The following EPAS1 variants were observed in gnomAD, a reference collection of about 807,000 sequenced individuals.
EPAS1 encodes the protein endothelial PAS domain-containing protein 1.
In EPAS1, 23 loss-of-function variants were observed where a neutral mutation model predicts 87.9. The observed-to-expected ratio is 0.26, with a 90% CI of 0.19 to 0.37. The LOEUF is 0.37. EPAS1 is among the 10% of genes least tolerant of loss of function. The pLI, the probability that EPAS1 is intolerant of heterozygous loss-of-function variation, is 1.00. For missense variants in EPAS1, 1,138 were observed against 1,120.7 expected, an observed-to-expected ratio of 1.02 and a Z score of -0.22; for synonymous variants, 508 against 444.3, an observed-to-expected ratio of 1.14 and a Z score of -1.80.
chr2:46,301,382 C>A (rs1045499734), intron 1 of EPAS1, among the ~76,000 whole-genome samples: 71 of 152,072 alleles, frequency 4.7e-4, no homozygotes, highest in African/African-American at 1.7e-3. Flanking sequence ...CAAGACCAGC[C>A]TGGTCAACAT....
chr2:46,340,937 C>T (rs982124736), intron 1 of EPAS1, among the ~76,000 whole-genome samples: 2 of 152,150 alleles, frequency 1.3e-5, no homozygotes, highest in African/African-American at 4.8e-5. Context: ...CCCAGCTGGT[C>T]TCAAACTCCT....
At chr2:46,359,257 CAAAAAAAAA>C (rs57351888) in intron 4 of EPAS1, among the ~76,000 whole-genome samples, 6 of 25,092 alleles carry the variant, frequency 2.4e-4, no homozygotes, top group South Asian at 2.3e-3. Flanking sequence ...GATTCTGTCT[CAAAAAAAAA>C]AAAAAAAAAA....
At chr2:46,384,006 C>T (rs1408363689) in intron 15 of EPAS1, among the ~76,000 whole-genome samples, 5 of 151,824 alleles carry the variant, frequency 3.3e-5, no homozygotes, top group African/African-American at 9.7e-5. Context: ...CTGCGAGTGT[C>T]CCCCCTGCCA....
At chr2:46,307,897 G>A (rs1053994775) in intron 1 of EPAS1, among the ~76,000 whole-genome samples, 3 of 152,126 alleles carry the variant, frequency 2.0e-5, no homozygotes, top group Admixed American at 2.0e-4. Flanking sequence ...TTGTGGATTT[G>A]GGTTTCTCTT....
chr2:46,308,203 A>G (rs906657196), intron 1 of EPAS1, among the ~76,000 whole-genome samples: 1 of 152,108 alleles, frequency 6.6e-6, no homozygotes, highest in Non-Finnish European at 1.5e-5. Context: ...CTATTCAAAT[A>G]GCTCCTACTT....
intron 6 of EPAS1, among the ~76,000 whole-genome samples, chr2:46,364,824 C>G (rs1251067071): frequency 6.6e-6 from 1 of 152,174 alleles, no homozygotes; most frequent in Non-Finnish European, 1.5e-5. Context: ...TACTGAGCAA[C>G]CAGTTACGAA....
chr2:46,361,531 G>T (rs1007089164), intron 6 of EPAS1, among the ~76,000 whole-genome samples: 1 of 152,004 alleles, frequency 6.6e-6, no homozygotes, highest in African/African-American at 2.4e-5. Context: ...CTTTCCCTCC[G>T]CCTTGTTCCT....
At chr2:46,325,446 C>T (rs1250440798) in intron 1 of EPAS1, among the ~76,000 whole-genome samples, 2 of 152,146 alleles carry the variant, frequency 1.3e-5, no homozygotes, top group Non-Finnish European at 2.9e-5. Context: ...GGTAAAAGCC[C>T]TAATAGCCTC....
chr2:46,306,254 A>G (rs992929200), intron 1 of EPAS1, among the ~76,000 whole-genome samples: 4 of 152,180 alleles, frequency 2.6e-5, no homozygotes, highest in Non-Finnish European at 5.9e-5. Context: ...AAAACTTTGC[A>G]TACTGTCACT....
rs1456533107 is a variant in EPAS1 at position 46,371,108 on chromosome 2, G to A, written c.886+1175G>A. The stretch of plus-strand genomic sequence containing the variant: ...TGCTTCAAAACGAGTGCCCACAGTG[G>A]TGCAGACAGTGGTGCTGAGAGGATT... On this transcript the variant is annotated intron_variant, in intron 7 of 15. Transcript: ENST00000263734. The surrounding 1 kb of genome is among the most constrained non-coding windows in gnomAD (Gnocchi z 4.3). Among the ~76,000 whole-genome samples, 5 of 152,178 alleles carry A rather than the reference G, an allele frequency of 3.3e-5. No homozygotes were observed. Among genetic ancestry groups the A allele is most frequent in the African/African-American group, 9.7e-5 (4 of 41,436 alleles).
At position 46,347,228 on chromosome 2, in the gene EPAS1, T is replaced by C; in HGVS notation, c.217+165T>C. ...GATTTATTCCTTCATGTTAAACATC[T>C]CTCTTCCAGCAGTGACCTTTACCGT... On this transcript the variant is annotated intron_variant, in intron 2 of 15. Transcript: ENST00000263734. This position sits in a 1 kb window ranked among gnomAD's most constrained non-coding sequence, Gnocchi z 4.2. 1 of 771,836 alleles carries C rather than the reference T, an allele frequency of 1.3e-6. No individual in the cohort carries two copies. The highest frequency in any genetic ancestry group is 2.2e-6 in the Non-Finnish European group (1 of 459,956). 47.8% of individuals were successfully genotyped at this position (771,836 alleles called of 1,614,324 possible).
At position 46,307,877 on chromosome 2, in the gene EPAS1, G is replaced by C. The variant is rs1683138381; in HGVS notation, c.26+9940G>C. On this transcript the variant is annotated intron_variant, in intron 1 of 15. Coordinates refer to ENST00000263734, the MANE Select transcript of EPAS1 (RefSeq NM_001430.5). ...CACAGAGAATCTTCAGAGTGGGATA[G>C]GGGTTTCTTTTGTGGATTTGGGTTT... Among the ~76,000 whole-genome samples, 4 of 152,272 alleles carry C rather than the reference G, an allele frequency of 2.6e-5. No individual in the cohort carries two copies. The South Asian group carries it at 8.3e-4, about 32-fold the overall frequency.
chr2:46,310,241 G>A (rs996313520), intron 1 of EPAS1, among the ~76,000 whole-genome samples: 2 of 152,124 alleles, frequency 1.3e-5, no homozygotes, highest in African/African-American at 4.8e-5. Context: ...ATTTGATAAG[G>A]TTCTCTTTCT....
chr2:46,299,941 AGGCCGCTGTGTGAGCT>A (rs1379374998), intron 1 of EPAS1, among the ~76,000 whole-genome samples: 1 of 152,234 alleles, frequency 6.6e-6, no homozygotes, highest in African/African-American at 2.4e-5. Context: ...AACGCCTTGG[AGGCCGCTGTGTGAGCT>A]GCGGCTCCGG....
chr2:46,337,125 C>T (rs1683809718), intron 1 of EPAS1, among the ~76,000 whole-genome samples: 1 of 152,182 alleles, frequency 6.6e-6, no homozygotes, highest in Admixed American at 6.5e-5. Flanking sequence ...CCGATGTCTC[C>T]AGTTTGTACC....
rs1197852183 is a variant in EPAS1, at chr2:46,360,607, C to G, written c.455-31C>G. On this transcript the variant is annotated intron_variant, in intron 4 of 15. Transcript: ENST00000263734. The surrounding 1 kb of genome is among the most constrained non-coding windows in gnomAD (Gnocchi z 4.5). ...ATGAATATCCATATAAAACTGACTT[C>G]AGCTGGTTCTTCCCATCCTTCCACA... 6.3e-7 allele frequency: 1 copy of G among 1,592,292 alleles called. No homozygotes were observed. The highest frequency in any genetic ancestry group is 1.3e-5 in the African/African-American group (1 of 74,620).
At chr2:46,314,662 C>T (rs962861208) in intron 1 of EPAS1, among the ~76,000 whole-genome samples, 2 of 152,170 alleles carry the variant, frequency 1.3e-5, no homozygotes, top group African/African-American at 4.8e-5. Context: ...TCAAGTGGAG[C>T]CTCGTCCTGA....
At chr2:46,302,118 CTGTGTGTGTGTGTG>C (rs35880089) in intron 1 of EPAS1, among the ~76,000 whole-genome samples, 5 of 127,578 alleles carry the variant, frequency 3.9e-5, no homozygotes, top group Admixed American at 7.8e-5. Flanking sequence ...CTCTTTCTCT[CTGTGTGTGTGTGTG>C]TGTGTGTGTG....
rs7597411 is a variant in EPAS1 at position 46,377,964 on chromosome 2, G to C, written c.1320G>C (p.Thr440=). Residue 440 remains threonine, a synonymous_variant, in exon 10 of 16, where the codon ACG becomes ACC. Coordinates refer to ENST00000263734, the MANE Select transcript of EPAS1 (RefSeq NM_001430.5). ...TGCCCCCGAGCCAGCCATGGGCCAC[G>C]GAGTTGAGGAGCCACAGCACCCAGA... ...AILPPSQPWA[T]ELRSHSTQSE... The C allele has an allele frequency of 6.4e-7, 1 of 1,566,570 alleles. No individual in the cohort carries two copies. The highest frequency in any genetic ancestry group is 8.7e-7 in the Non-Finnish European group (1 of 1,155,168).
Sources: gnomAD v4.1 joint callset for allele counts (sites outside exome capture counted in the v4.1 genomes callset) on GRCh38, gnomAD v4.1.1 for gene constraint, Gnocchi (gnomAD v3.1) non-coding constraint, MANE v1.5 for transcripts, NCBI Gene and HGNC (gene_info 2026-07-23, HGNC 2026-07-21) for gene names.